Variants in CP observed in about 807,000 individuals in gnomAD.
The protein encoded by CP is caeruloplasmin.
A neutral mutation model predicts 122.4 loss-of-function variants in CP; 64 were observed. The ratio of observed to expected loss-of-function variants is 0.52; its 90% CI spans 0.43 to 0.64. The LOEUF is 0.64. Among genes scored for constraint, CP ranks in the 30% least tolerant of loss-of-function variants. The pLI, the probability that CP is intolerant of heterozygous loss-of-function variation, is 0.00. For synonymous variants in CP, 440 were observed against 436.4 expected (o/e 1.01, Z -0.10); for missense variants, 1,167 against 1,284.4 (o/e 0.91, Z 1.40).
chr3:149,167,790 T>A, downstream of CP: 1 of 754,968 alleles, frequency 1.3e-6, no homozygotes, highest in Non-Finnish European at 2.4e-6. Context: ...GACAAAATGA[T>A]GTATTTTTGC....
Position 149,197,905 on chromosome 3 carries a change from C to A in CP, c.1713+462G>T, listed in dbSNP as rs552484905. ...AGTTCCTGACAGACCACCTAACAGG[C>A]TCACCTCCTGCTGTGTGGCCCATGG... On this transcript the variant is annotated intron_variant, in intron 9 of 18. Coordinates refer to ENST00000264613, the MANE Select transcript of CP (RefSeq NM_000096.4). 2.2e-4 allele frequency among the ~76,000 whole-genome samples: 33 copies of A among 152,292 alleles called. No individual in the cohort carries two copies. The South Asian group carries it at 6.8e-3, about 32-fold the overall frequency.
chr3:149,167,802 C>G (rs1458650935), downstream of CP: 3 of 815,242 alleles, frequency 3.7e-6, no homozygotes, highest in Admixed American at 1.8e-5. Context: ...TATTTTTGCT[C>G]TGTGCTTTCC....
At chr3:149,173,773 A>G in intron 18 of CP, 43 bp from the exon 19 acceptor site, 1 of 1,003,532 alleles carries the variant, frequency 1.0e-6, no homozygotes, top group East Asian at 2.6e-5. Context: ...AAAATAATAT[A>G]TGGTTAGAAA....
At chr3:149,179,839 GT>G in intron 14 of CP, 177 bp from the exon 15 acceptor site, 1 of 574,576 alleles carries the variant, frequency 1.7e-6, no homozygotes, top group Non-Finnish European at 3.1e-6. Flanking sequence ...CAGGAATTTA[GT>G]TTTAAGATGA....
At chr3:149,208,235 C>T (rs1727873348) in intron 4 of CP, among the ~76,000 whole-genome samples, 1 of 152,066 alleles carries the variant, frequency 6.6e-6, no homozygotes, top group African/African-American at 2.4e-5. Flanking sequence ...TCAGAAGAAA[C>T]TTATGGTCAC....
intron 1 of CP, 105 bp from the exon 2 acceptor site, chr3:149,212,803 C>T: frequency 7.3e-7 from 1 of 1,361,296 alleles, no homozygotes; most frequent in South Asian, 1.3e-5. Context: ...ATGAGCACAT[C>T]ACATTGAATG....
chr3:149,173,861 T>C, intron 18 of CP, 131 bp from the exon 19 acceptor site: 1 of 503,628 alleles, frequency 2.0e-6, no homozygotes. Context: ...TTCTGCTTTT[T>C]ATATGTTTAA....
chr3:149,202,079 A>G lies in CP; in HGVS notation c.1348+23T>C, dbSNP rs746445240. Reference sequence around the variant, plus strand: ...AGCCCATGGGAAGAGTAAACCAGCCATATATATTCTGCAAGAACTCACCCA... The same window carrying G: ...AGCCCATGGGAAGAGTAAACCAGCCGTATATATTCTGCAAGAACTCACCCA... On this transcript the variant is annotated intron_variant, in intron 7 of 18. Coordinates refer to ENST00000264613, the MANE Select transcript of CP (RefSeq NM_000096.4). The G allele has an allele frequency of 3.1e-5, 50 of 1,613,802 alleles. 1 individual carries two copies. Among genetic ancestry groups the G allele is most frequent in the Non-Finnish European group, 4.2e-5 (49 of 1,179,846 alleles).
chr3:149,170,444 T>TG (rs1179097966), downstream of CP: 4 of 152,244 alleles, frequency 2.6e-5, no homozygotes, highest in Non-Finnish European at 4.4e-5. Flanking sequence ...TCTGATTTTA[T>TG]GTCAGATGTG....
chr3:149,213,640 G>C (rs1392549333), intron 1 of CP, among the ~76,000 whole-genome samples: 5 of 116,234 alleles, frequency 4.3e-5, no homozygotes, highest in African/African-American at 1.3e-4. Context: ...GGGTGTGTGT[G>C]TGTGTGTGTG....
intron 9 of CP, among the ~76,000 whole-genome samples, chr3:149,196,493 G>C (rs544990136): frequency 7.9e-5 from 12 of 152,086 alleles, no homozygotes; most frequent in East Asian, 3.8e-4. Flanking sequence ...CAAAAAACAG[G>C]CTTTTGGGAA....
chr3:149,181,975 C>CGGGGGGGGGGGGCGGGCCGGGGG, intron 14 of CP, 30 bp downstream of exon 14: 1 of 1,088,426 alleles, frequency 9.2e-7, no homozygotes, highest in Non-Finnish European at 1.4e-6. Context: ...TGTTAAAATG[C>CGGGGGGGGGGGGCGGGCCGGGGG]ACCACCCCCA....
At chr3:149,169,442 G>T (rs1245965712), downstream of CP, among the ~76,000 whole-genome samples, 1 of 152,230 alleles carries the variant, frequency 6.6e-6, no homozygotes, top group African/African-American at 2.4e-5. Context: ...TTGCAAGAGG[G>T]AGAGGTTGGA....
At chr3:149,172,033 T>A, downstream of CP, 1 of 1,562,118 alleles carries the variant, frequency 6.4e-7, no homozygotes. Flanking sequence ...GTTGGTTAAG[T>A]AAGAAGAGAT....
chr3:149,207,842 G>T (rs1401708755), intron 4 of CP, among the ~76,000 whole-genome samples: 1 of 152,044 alleles, frequency 6.6e-6, no homozygotes, highest in African/African-American at 2.4e-5. Flanking sequence ...ATTAACAGAT[G>T]AACACAATAC....
intron 1 of CP, among the ~76,000 whole-genome samples, chr3:149,216,197 A>G (rs778482504): frequency 1.3e-5 from 2 of 152,192 alleles, no homozygotes. Flanking sequence ...TCACTATTCT[A>G]TGGGTCAGAG....
intron 2 of CP, among the ~76,000 whole-genome samples, chr3:149,210,723 C>G (rs1728051831): frequency 6.6e-6 from 1 of 152,056 alleles, no homozygotes. Flanking sequence ...CAGATTTTTG[C>G]CCACGAAGTA....
At chr3:149,199,992 T>C in intron 7 of CP, 128 bp from the exon 8 acceptor site, 1 of 977,376 alleles carries the variant, frequency 1.0e-6, no homozygotes, top group Non-Finnish European at 1.6e-6. Flanking sequence ...TTGTGGTGAA[T>C]GGAAAGCTTG....
At chr3:149,206,898 CTA>C (rs1469022671) in intron 5 of CP, among the ~76,000 whole-genome samples, 1 of 152,110 alleles carries the variant, frequency 6.6e-6, no homozygotes, top group East Asian at 1.9e-4. Flanking sequence ...ATATTAAAAA[CTA>C]ATATTTTTCA....
Sources: allele counts gnomAD v4.1 joint callset (sites outside exome capture counted in the v4.1 genomes callset), GRCh38; gene constraint gnomAD v4.1.1; transcripts MANE v1.5; gene names NCBI Gene and HGNC (gene_info 2026-07-23, HGNC 2026-07-21).